The following UAP1 variants were observed in gnomAD, a reference collection of about 807,000 sequenced individuals.
UAP1 encodes UDP-N-acetylhexosamine pyrophosphorylase.
A neutral mutation model predicts 58.5 loss-of-function variants in UAP1; 25 were observed. That is an observed-to-expected ratio of 0.43 (90% CI 0.31 to 0.60). The LOEUF is 0.60. UAP1 is among the 20% of genes least tolerant of loss of function. The pLI is 0.11. For missense variants in UAP1, 575 were observed against 630.0 expected (o/e 0.91, Z 0.93); for synonymous variants, 208 against 213.0 (o/e 0.98, Z 0.21).
chr1:162,579,358 T>C, intron 3 of UAP1, 70 bp from the exon 4 acceptor site: 1 of 1,150,360 alleles, frequency 8.7e-7, no homozygotes, highest in Non-Finnish European at 1.2e-6. Flanking sequence ...GCTTAGGAAA[T>C]AGACGAAACT....
At chr1:162,600,851 A>G (rs1253278770), downstream of UAP1, among the ~76,000 whole-genome samples, 1 of 152,232 alleles carries the variant, frequency 6.6e-6, no homozygotes, top group Non-Finnish European at 1.5e-5. Context: ...ATGGGTTGTA[A>G]GAATGGAATT....
chr1:162,578,428 G>A (rs1007011472), intron 3 of UAP1, among the ~76,000 whole-genome samples: 6 of 152,034 alleles, frequency 3.9e-5, no homozygotes, highest in Admixed American at 2.0e-4. Context: ...TGTAATTTTC[G>A]TAGCTCTTCT....
At position 162,597,865 on chromosome 1, in the gene UAP1, C is replaced by G. The variant is rs747234554; in HGVS notation, c.1476+7C>G. On this transcript the variant is annotated splice_region_variant and intron_variant, in intron 10 of 10. Transcript: ENST00000271469. ...TATCTCCTATGCTGGAGAAGTAAGT[C>G]TGCTTTACTTTTTCCTCTATTCTTT... is the stretch of plus-strand genomic sequence containing the variant. 1 of 1,608,554 alleles carries G rather than the reference C, an allele frequency of 6.2e-7. No homozygotes were observed. Among genetic ancestry groups the G allele is most frequent in the East Asian group, 2.2e-5 (1 of 44,744 alleles).
chr1:162,571,130 T>C (rs1198667668), intron 2 of UAP1, among the ~76,000 whole-genome samples: 2 of 151,652 alleles, frequency 1.3e-5, no homozygotes, highest in African/African-American at 4.8e-5. Context: ...ATTTTTTTGT[T>C]TGTTTGTTTG....
At chr1:162,570,832 T>G (rs1221114199) in intron 2 of UAP1, among the ~76,000 whole-genome samples, 1 of 152,196 alleles carries the variant, frequency 6.6e-6, no homozygotes, top group Non-Finnish European at 1.5e-5. Context: ...CCTGGAGTTC[T>G]GATAATTTAA....
chr1:162,570,166 A>G lies in UAP1; in HGVS notation c.280+3818A>G, dbSNP rs141263779. Among the ~76,000 whole-genome samples, 1,384 of 151,500 alleles carry G rather than the reference A, an allele frequency of 9.1e-3. 25 individuals are homozygous for G. Among genetic ancestry groups the G allele is most frequent in the African/African-American group, 0.031 (1,293 of 41,340 alleles). On this transcript the variant is annotated intron_variant, in intron 2 of 10. Transcript: ENST00000271469. ...TCCGTCTCAAAAAAAAAAAAAAAATACTTATTTTAGAGAAATTGGAAAATA... is the reference window on the plus strand; with the variant it reads ...TCCGTCTCAAAAAAAAAAAAAAAATGCTTATTTTAGAGAAATTGGAAAATA...
intron 2 of UAP1, among the ~76,000 whole-genome samples, chr1:162,575,776 C>T (rs151150981): frequency 0.018 from 2,808 of 151,878 alleles, 49 homozygotes; most frequent in Non-Finnish European, 0.028. Context: ...TCTCGGCTCA[C>T]TGCAACCTCC....
chr1:162,590,594 A>C, intron 8 of UAP1, 83 bp downstream of exon 8: 10 of 1,175,258 alleles, frequency 8.5e-6, no homozygotes, highest in Non-Finnish European at 1.2e-5. Context: ...CTCTCTCTGT[A>C]TTCCTAGATC....
At chr1:162,596,496 A>G (rs539693592) in intron 9 of UAP1, among the ~76,000 whole-genome samples, 43 of 152,350 alleles carry the variant, frequency 2.8e-4, no homozygotes, top group Middle Eastern at 3.4e-3. Flanking sequence ...TTATATGAAT[A>G]AATGGATGGA....
chr1:162,594,515 C>T (rs1422933531), intron 9 of UAP1, among the ~76,000 whole-genome samples: 5 of 152,158 alleles, frequency 3.3e-5, no homozygotes, highest in South Asian at 2.1e-4. Context: ...GGTTGGGGAC[C>T]GCTGCCATAG....
At position 162,580,967 on chromosome 1, in the gene UAP1, A is replaced by G. The variant is rs552616965; in HGVS notation, c.662-320A>G. 9.2e-5 allele frequency among the ~76,000 whole-genome samples: 14 copies of G among 152,342 alleles called. No homozygotes were observed. In the South Asian group the frequency reaches 2.9e-3, roughly 32 times the overall value. On this transcript the variant is annotated intron_variant, in intron 4 of 10. Transcript: ENST00000271469. ...AATGAAACTTGAAATGTTATGAAAT[A>G]ATCATTGCCTGATAAAGGATTTTAT...
intron 9 of UAP1, chr1:162,592,997 A>G (rs1055012919): frequency 3.6e-6 from 2 of 552,332 alleles, no homozygotes; most frequent in Non-Finnish European, 6.5e-6. Context: ...AGCATGCTTT[A>G]CTAAAGAATC....
intron 1 of UAP1, among the ~76,000 whole-genome samples, chr1:162,561,983 C>A (rs987094326): frequency 6.6e-6 from 1 of 152,238 alleles, no homozygotes. Context: ...CGCAGTCGCA[C>A]CCCATCCTCC....
At chr1:162,589,209 A>ATATTATAT in intron 7 of UAP1, among the ~76,000 whole-genome samples, 1 of 111,902 alleles carries the variant, frequency 8.9e-6, no homozygotes, top group East Asian at 2.2e-4. Flanking sequence ...TTATATTTAA[A>ATATTATAT]TATATATAAT....
At chr1:162,596,232 A>G (rs1053471544) in intron 9 of UAP1, among the ~76,000 whole-genome samples, 12 of 147,458 alleles carry the variant, frequency 8.1e-5, no homozygotes, top group South Asian at 2.2e-4. Context: ...CTAGAGTGCA[A>G]TGGTGCAATC....
chr1:162,585,775 T>C (rs982221642), intron 5 of UAP1, among the ~76,000 whole-genome samples: 1 of 45,782 alleles, frequency 2.2e-5, no homozygotes, highest in Non-Finnish European at 4.2e-5. Flanking sequence ...AAAATAAACC[T>C]GTGTGCGTTA....
intron 7 of UAP1, among the ~76,000 whole-genome samples, chr1:162,589,217 A>AT (rs576110821): frequency 7.1e-5 from 7 of 98,074 alleles, no homozygotes; most frequent in East Asian, 2.6e-4. Context: ...AAATATATAT[A>AT]ATATTTATAT....
intron 2 of UAP1, among the ~76,000 whole-genome samples, chr1:162,568,198 T>C (rs936583469): frequency 8.5e-5 from 13 of 152,222 alleles, no homozygotes; most frequent in African/African-American, 3.1e-4. Context: ...TGTTTTCCAC[T>C]CTTTGGCATC....
At chr1:162,590,802 ATT>A (rs200031840) in intron 8 of UAP1, among the ~76,000 whole-genome samples, 4 of 144,906 alleles carry the variant, frequency 2.8e-5, no homozygotes, top group Non-Finnish European at 3.0e-5. Flanking sequence ...TGATCAGAAG[ATT>A]TTTTTTTTTT....
Sources: gnomAD v4.1 joint callset for allele counts (sites outside exome capture counted in the v4.1 genomes callset) on GRCh38, gnomAD v4.1.1 for gene constraint, MANE v1.5 for transcripts, NCBI Gene and HGNC (gene_info 2026-07-23, HGNC 2026-07-21) for gene names.